The following EGF variants were observed in gnomAD, a reference collection of about 807,000 sequenced individuals.
EGF encodes epidermal growth factor.
A neutral mutation model predicts 143.8 loss-of-function variants in EGF; 95 were observed. The ratio of observed to expected loss-of-function variants is 0.66; its 90% CI spans 0.56 to 0.78. The LOEUF is 0.78. Among genes scored for constraint, EGF ranks in the 30% least tolerant of loss-of-function variants. The pLI is 0.00. For missense variants in EGF, 1,320 were observed against 1,470.9 expected (o/e 0.90, Z 1.68); for synonymous variants, 510 against 510.5 (o/e 1.00, Z 0.01).
At chr4:109,959,074 G>T in intron 5 of EGF, 1 of 535,580 alleles carries the variant, frequency 1.9e-6, no homozygotes, top group South Asian at 2.1e-5. Context: ...CCTAAGAAAT[G>T]ACATCTCCAG....
intron 13 of EGF, among the ~76,000 whole-genome samples, chr4:109,979,258 C>T (rs1748954761): frequency 6.6e-6 from 1 of 151,432 alleles, no homozygotes; most frequent in Non-Finnish European, 1.5e-5. Context: ...AGAGGGGTCA[C>T]GGGGATGAGG....
chr4:109,967,504 C>T (rs1040544907), intron 10 of EGF, among the ~76,000 whole-genome samples: 2 of 151,966 alleles, frequency 1.3e-5, no homozygotes, highest in East Asian at 1.9e-4. Context: ...TGCTTAGTAT[C>T]GTCTGTGCTC....
chr4:109,991,763 T>C (rs1750969374), intron 18 of EGF, among the ~76,000 whole-genome samples: 1 of 152,226 alleles, frequency 6.6e-6, no homozygotes, highest in Non-Finnish European at 1.5e-5. Flanking sequence ...AACTTTTAAA[T>C]GTTTGCCTAG....
intron 18 of EGF, among the ~76,000 whole-genome samples, chr4:109,991,358 T>G (rs1750911104): frequency 6.6e-6 from 1 of 152,162 alleles, no homozygotes; most frequent in Admixed American, 6.5e-5. Flanking sequence ...TACTCTCAAA[T>G]GGCGAAGGCT....
chr4:109,935,465 G>A (rs893863461), intron 1 of EGF, among the ~76,000 whole-genome samples: 2 of 152,120 alleles, frequency 1.3e-5, no homozygotes, highest in Non-Finnish European at 2.9e-5. Flanking sequence ...TGAGACGATG[G>A]GGTTTTCTAG....
chr4:109,926,625 G>A (rs532117462), intron 1 of EGF, among the ~76,000 whole-genome samples: 8 of 152,220 alleles, frequency 5.3e-5, no homozygotes, highest in African/African-American at 1.9e-4. Context: ...CCAAAGTGCT[G>A]GGATTACTGG....
intron 23 of EGF, among the ~76,000 whole-genome samples, chr4:110,010,022 G>A (rs1319935858): frequency 2.0e-5 from 3 of 152,148 alleles, no homozygotes; most frequent in African/African-American, 7.2e-5. Context: ...ATCATTTGAG[G>A]TCAGGAGTTT....
intron 6 of EGF, among the ~76,000 whole-genome samples, chr4:109,959,863 G>C (rs1042401843): frequency 6.6e-6 from 1 of 152,112 alleles, no homozygotes; most frequent in African/African-American, 2.4e-5. Context: ...TAGGAAGCCT[G>C]GGAAACTGAG....
chr4:109,974,552 G>T, intron 11 of EGF, 151 bp from the exon 12 acceptor site: 1 of 622,340 alleles, frequency 1.6e-6, no homozygotes, highest in Non-Finnish European at 2.9e-6. Flanking sequence ...GGGTGGGGGA[G>T]AGAGAAAGAG....
intron 21 of EGF, among the ~76,000 whole-genome samples, chr4:110,001,002 G>A (rs1752503524): frequency 6.6e-6 from 1 of 152,162 alleles, no homozygotes; most frequent in Admixed American, 6.5e-5. Context: ...ACTGTCTTGT[G>A]TTCTGGAAAA....
chr4:109,999,755 G>T lies in EGF; in HGVS notation c.3082G>T (p.Gly1028Trp). The T allele has an allele frequency of 6.2e-7, 1 of 1,614,038 alleles. No individual in the cohort carries two copies. The highest frequency in any genetic ancestry group is 8.5e-7 in the Non-Finnish European group (1 of 1,179,996). Reference sequence around the variant, plus strand: ...GTGGGAACTGCGCCACGCTGGCCACGGGCAGCAGCAGAAGGTCATCGTGGT... The same window carrying T: ...GTGGGAACTGCGCCACGCTGGCCACTGGCAGCAGCAGAAGGTCATCGTGGT... The part of the protein sequence containing the change: ...KWWELRHAGH[G>W]QQQKVIVVAV... Residue 1028 changes from glycine (G) to tryptophan (W), a missense_variant, in exon 21 of 24, where the codon GGG (glycine) becomes TGG (tryptophan). Gly to Trp is a radical substitution (Grantham distance 184, BLOSUM62 -2). Coordinates refer to ENST00000265171, the MANE Select transcript of EGF (RefSeq NM_001963.6).
At chr4:110,002,445 A>T (rs1752689237) in intron 21 of EGF, among the ~76,000 whole-genome samples, 1 of 152,156 alleles carries the variant, frequency 6.6e-6, no homozygotes, top group Non-Finnish European at 1.5e-5. Flanking sequence ...GTAAGCCGTG[A>T]TTGCACCACT....
chr4:109,916,853 T>C (rs555496935), intron 1 of EGF, among the ~76,000 whole-genome samples: 153 of 152,320 alleles, frequency 1.0e-3, no homozygotes, highest in African/African-American at 3.4e-3. Flanking sequence ...CAAAATGCCA[T>C]AGTGAAAAAC....
At chr4:109,969,264 C>T in intron 11 of EGF, 145 bp downstream of exon 11, 2 of 1,024,330 alleles carry the variant, frequency 2.0e-6, no homozygotes, top group South Asian at 1.4e-5. Flanking sequence ...CCATTGCGGT[C>T]CACACTCCCT....
chr4:109,942,712 G>T (rs1742128510), intron 2 of EGF, among the ~76,000 whole-genome samples: 1 of 152,138 alleles, frequency 6.6e-6, no homozygotes, highest in African/African-American at 2.4e-5. Context: ...AAGACACTCT[G>T]CTACTCTGGT....
intron 10 of EGF, among the ~76,000 whole-genome samples, chr4:109,964,773 C>T (rs552761757): frequency 1.3e-5 from 2 of 152,260 alleles, no homozygotes; most frequent in South Asian, 4.1e-4. Context: ...GAAATGATCA[C>T]ACAGTTTAGT....
intron 3 of EGF, 80 bp downstream of exon 3, chr4:109,943,515 A>G (rs960001956): frequency 6.0e-6 from 9 of 1,493,334 alleles, no homozygotes; most frequent in Non-Finnish European, 8.3e-6. Context: ...TTGTAAATTC[A>G]AAGGGATCCT....
intron 20 of EGF, among the ~76,000 whole-genome samples, chr4:109,996,419 ATTACCAGAG>A (rs1162165525): frequency 1.3e-5 from 2 of 152,224 alleles, no homozygotes; most frequent in Non-Finnish European, 2.9e-5. Flanking sequence ...TATTTAAAAT[ATTACCAGAG>A]TTCACAGTAA....
In EGF at chr4:109,980,999, A is replaced by G. The variant is rs767641772; in HGVS notation, c.2371+24A>G. 4 of 1,613,998 alleles carry G rather than the reference A, an allele frequency of 2.5e-6. No homozygotes were observed. The South Asian group carries it at 4.4e-5, about 18-fold the overall frequency. ...AGGTAATATAATAAATTATGTGGCA[A>G]ATTACCTAACGTTGGCTCAGAAATA... On this transcript the variant is annotated intron_variant, in intron 15 of 23. Transcript: ENST00000265171.
Sources: allele counts gnomAD v4.1 joint callset (sites outside exome capture counted in the v4.1 genomes callset), GRCh38; gene constraint gnomAD v4.1.1; transcripts MANE v1.5; gene names NCBI Gene and HGNC (gene_info 2026-07-23, HGNC 2026-07-21).